Variants in WASF1 observed in about 807,000 individuals in gnomAD.
WASF1 encodes the protein WASP family member 1.
In WASF1, 7 loss-of-function variants were observed where a neutral mutation model predicts 50.5. The observed-to-expected ratio is 0.14, with a 90% CI of 0.08 to 0.26. The LOEUF (loss-of-function observed/expected upper bound fraction) is 0.26, where lower values mean the gene tolerates loss of function less well. Among genes scored for constraint, WASF1 ranks in the 10% least tolerant of loss-of-function variants. WASF1 has a pLI of 1.00. For missense variants in WASF1, 470 were observed against 694.7 expected (o/e 0.68, Z 3.64); for synonymous variants, 205 against 244.0 (o/e 0.84, Z 1.49).
At chr6:110,136,432 A>G (rs1186511969) in intron 3 of WASF1, among the ~76,000 whole-genome samples, 1 of 152,190 alleles carries the variant, frequency 6.6e-6, no homozygotes, top group African/African-American at 2.4e-5. Flanking sequence ...CTGCTAATGT[A>G]CCTACATCTT....
At chr6:110,153,450 G>A (rs1047866703) in intron 3 of WASF1, among the ~76,000 whole-genome samples, 2 of 152,038 alleles carry the variant, frequency 1.3e-5, no homozygotes, top group Non-Finnish European at 2.9e-5. Flanking sequence ...GATTTAATAA[G>A]AGCCCTAATA....
rs533632175 is a variant in WASF1 at position 110,107,851 on chromosome 6, A to C, written c.423-657T>G. ...TACCTATTCATTATGTAAGAAGTTA[A>C]TGTATACAAATCAAATCAAGAGTAG... On this transcript the variant is annotated intron_variant, in intron 6 of 10. Transcript: ENST00000392589. Among the ~76,000 whole-genome samples the C allele has an allele frequency of 7.5e-3, 1,147 of 152,256 alleles. 8 individuals are homozygous for C. Among genetic ancestry groups the C allele is most frequent in the Middle Eastern group, 0.017 (5 of 294 alleles).
chr6:110,105,808 T>C (rs1367532902), intron 7 of WASF1, among the ~76,000 whole-genome samples: 1 of 152,198 alleles, frequency 6.6e-6, no homozygotes, highest in Non-Finnish European at 1.5e-5. Context: ...TTTGAACTGA[T>C]GCACCAGACA....
chr6:110,112,468 T>C (rs1773600069), intron 5 of WASF1, among the ~76,000 whole-genome samples: 1 of 152,260 alleles, frequency 6.6e-6, no homozygotes, highest in African/African-American at 2.4e-5. Context: ...TGATTATTCC[T>C]GATTTAATAT....
chr6:110,105,468 C>T lies in WASF1; in HGVS notation c.652G>A (p.Ala218Thr), dbSNP rs1470535814. 7.4e-6 allele frequency: 12 copies of T among 1,613,968 alleles called. No homozygotes were observed. Among genetic ancestry groups the T allele is most frequent in the Non-Finnish European group, 1.0e-5 (12 of 1,179,950 alleles). Residue 218 changes from alanine to threonine, a missense_variant, in exon 8 of 11, where the codon GCT (alanine) becomes ACT (threonine). Around this residue, in one of 3 missense-constraint regions of WASF1, gnomAD observed 294 missense variants for 343.5 expected, o/e 0.86. Coordinates refer to ENST00000392589, the MANE Select transcript of WASF1 (RefSeq NM_003931.3). ...AQGPELAEDDANLLHKHIEVA... is the reference protein window; with the variant it reads ...AQGPELAEDDTNLLHKHIEVA... ...TCAATATGCTTATGTAAGAGATTAGCATCATCTTCAGCCAGCTCTGGACCT... is the reference window on the plus strand; with the variant it reads ...TCAATATGCTTATGTAAGAGATTAGTATCATCTTCAGCCAGCTCTGGACCT...
At chr6:110,123,502 A>G (rs145896940) in intron 4 of WASF1, among the ~76,000 whole-genome samples, 139 of 152,344 alleles carry the variant, frequency 9.1e-4, no homozygotes, top group African/African-American at 3.1e-3. Flanking sequence ...AATTTAATAG[A>G]TAAGTCCTAA....
chr6:110,145,687 C>G (rs1190960204), intron 3 of WASF1, among the ~76,000 whole-genome samples: 1 of 152,048 alleles, frequency 6.6e-6, no homozygotes, highest in East Asian at 1.9e-4. Context: ...TGAATTTTGT[C>G]AAAGGCCTTT....
At chr6:110,177,378 G>A (rs1562194555) in intron 2 of WASF1, among the ~76,000 whole-genome samples, 1 of 151,968 alleles carries the variant, frequency 6.6e-6, no homozygotes, top group Non-Finnish European at 1.5e-5. Context: ...ACCCTTGATA[G>A]ATGAGAAACA....
chr6:110,161,742 G>C (rs1562187985), intron 2 of WASF1, among the ~76,000 whole-genome samples: 1 of 151,452 alleles, frequency 6.6e-6, no homozygotes, highest in Non-Finnish European at 1.5e-5. Flanking sequence ...TTACATTCCA[G>C]ATTTCTCACT....
At chr6:110,116,437 C>G (rs770982811) in intron 4 of WASF1, among the ~76,000 whole-genome samples, 67 of 152,244 alleles carry the variant, frequency 4.4e-4, no homozygotes, top group Non-Finnish European at 8.5e-4. Flanking sequence ...ACTGCTAGTG[C>G]GGCAGTCTGA....
intron 3 of WASF1, among the ~76,000 whole-genome samples, chr6:110,139,978 C>A (rs752226809): frequency 3.3e-5 from 5 of 152,136 alleles, no homozygotes; most frequent in Admixed American, 1.3e-4. Flanking sequence ...ATTTGGTTGG[C>A]TTTCCACCCA....
chr6:110,154,695 T>A (rs1374544151), intron 3 of WASF1, among the ~76,000 whole-genome samples: 1 of 152,076 alleles, frequency 6.6e-6, no homozygotes, highest in Non-Finnish European at 1.5e-5. Context: ...TAATTACCTT[T>A]GATTGATATT....
intron 4 of WASF1, among the ~76,000 whole-genome samples, chr6:110,126,129 T>A (rs541880464): frequency 6.6e-6 from 1 of 152,294 alleles, no homozygotes; most frequent in East Asian, 1.9e-4. Flanking sequence ...CTTATGTATG[T>A]ACATAACATA....
intron 3 of WASF1, among the ~76,000 whole-genome samples, chr6:110,132,364 T>TAATACAATG (rs1774717540): frequency 1.3e-5 from 2 of 151,950 alleles, no homozygotes; most frequent in Non-Finnish European, 2.9e-5. Context: ...CTATAATCTT[T>TAATACAATG]AATACAATGT....
chr6:110,165,965 G>C (rs996731735), intron 2 of WASF1, among the ~76,000 whole-genome samples: 87 of 151,800 alleles, frequency 5.7e-4, no homozygotes, highest in Non-Finnish European at 7.4e-5. Flanking sequence ...AAGCACAAAA[G>C]TCAAATAGAT....
chr6:110,136,567 TA>T (rs1179007826), intron 3 of WASF1, among the ~76,000 whole-genome samples: 2 of 152,232 alleles, frequency 1.3e-5, no homozygotes, highest in African/African-American at 4.8e-5. Flanking sequence ...TTATTAGGTA[TA>T]TTTACCATTA....
intron 3 of WASF1, among the ~76,000 whole-genome samples, chr6:110,132,573 T>C (rs1159935767): frequency 6.6e-6 from 1 of 151,934 alleles, no homozygotes; most frequent in Admixed American, 6.6e-5. Flanking sequence ...GGGGAACACG[T>C]GGTATTTGGG....
intron 4 of WASF1, among the ~76,000 whole-genome samples, chr6:110,119,994 G>A (rs888901777): frequency 2.6e-5 from 4 of 151,896 alleles, no homozygotes; most frequent in African/African-American, 4.8e-5. Context: ...TCAACACCCC[G>A]TCATGCTAAA....
At chr6:110,155,548 T>TTC in intron 3 of WASF1, among the ~76,000 whole-genome samples, 1 of 112,376 alleles carries the variant, frequency 8.9e-6, no homozygotes, top group South Asian at 2.9e-4. Flanking sequence ...TTTTTTTTTT[T>TTC]TTTTTTTTTT....
Sources: allele counts gnomAD v4.1 joint callset (sites outside exome capture counted in the v4.1 genomes callset), GRCh38; gene constraint gnomAD v4.1.1; regional missense constraint gnomAD v4.1.1; transcripts MANE v1.5; gene names NCBI Gene and HGNC (gene_info 2026-07-23, HGNC 2026-07-21).